The following RXFP1 variants were observed in gnomAD, a reference collection of about 807,000 sequenced individuals.
RXFP1 encodes relaxin family peptide receptor 1, also known as relaxin receptor 1.
In RXFP1, 73 loss-of-function variants were observed where a neutral mutation model predicts 89.8. That is an observed-to-expected ratio of 0.81 (90% CI 0.67 to 0.99). The LOEUF is 0.99. Among genes scored for constraint, RXFP1 ranks in the 50% least tolerant of loss-of-function variants. The pLI is 0.00. For synonymous variants in RXFP1, 277 were observed against 305.5 expected, an observed-to-expected ratio of 0.91 and a Z score of 0.97; for missense variants, 793 against 895.5, an observed-to-expected ratio of 0.89 and a Z score of 1.46.
intron 12 of RXFP1, among the ~76,000 whole-genome samples, chr4:158,637,515 G>T (rs1309924144): frequency 6.6e-6 from 1 of 152,054 alleles, no homozygotes; most frequent in Non-Finnish European, 1.5e-5. Flanking sequence ...TCATATACCT[G>T]TTAGTCATTT....
chr4:158,527,563 A>AG, intron 1 of RXFP1, among the ~76,000 whole-genome samples: 1 of 102,614 alleles, frequency 9.7e-6, no homozygotes, highest in African/African-American at 3.4e-5. Flanking sequence ...AAAAAAAAAA[A>AG]AATATATATA....
chr4:158,561,495 T>C (rs1752416347), intron 1 of RXFP1, among the ~76,000 whole-genome samples: 1 of 152,326 alleles, frequency 6.6e-6, no homozygotes, highest in South Asian at 2.1e-4. Context: ...TAGATTTGGA[T>C]TTCATTTTCC....
intron 3 of RXFP1, chr4:158,599,122 T>C (rs1761191517): frequency 4.5e-6 from 3 of 664,118 alleles, no homozygotes; most frequent in South Asian, 2.5e-5. Flanking sequence ...TTTCCAAATG[T>C]TGATGCTCTA....
At chr4:158,585,573 T>C (rs895165178) in intron 2 of RXFP1, among the ~76,000 whole-genome samples, 31 of 152,168 alleles carry the variant, frequency 2.0e-4, no homozygotes, top group African/African-American at 7.0e-4. Context: ...AATGAAATAA[T>C]GTTCATGCAT....
At position 158,579,507 on chromosome 4, in the gene RXFP1, G is replaced by A. The variant is rs377080675; in HGVS notation, c.187+6672G>A. ...TCTCGATCTCTTGACCTCGTGATCC[G>A]CCCACCTCGGCCTCCCAAAGTGCTG... On this transcript the variant is annotated intron_variant, in intron 2 of 17. Transcript: ENST00000307765. Among the ~76,000 whole-genome samples the A allele has an allele frequency of 9.9e-3, 1,509 of 152,218 alleles. 27 individuals carry two copies. The highest frequency in any genetic ancestry group is 0.035 in the African/African-American group (1,437 of 41,526).
Position 158,618,873 on chromosome 4 carries a change from G to C in RXFP1, c.755+1668G>C, listed in dbSNP as rs550120840. ...AAAATTCAAAAAAAAAGAAATATAA[G>C]TAATAAGCAAGCATAAGGACAGATA... On this transcript the variant is annotated intron_variant, in intron 9 of 17. Transcript: ENST00000307765. 2.0e-5 allele frequency among the ~76,000 whole-genome samples: 3 copies of C among 152,092 alleles called. No homozygotes were observed. The East Asian group carries it at 5.8e-4, about 29-fold the overall frequency.
chr4:158,596,004 T>G lies in RXFP1; in HGVS notation c.286+2505T>G, dbSNP rs376743933. Among the ~76,000 whole-genome samples the G allele has an allele frequency of 2.0e-5, 3 of 148,354 alleles. No homozygotes were observed. The East Asian group carries it at 5.8e-4, about 29-fold the overall frequency. On this transcript the variant is annotated intron_variant, in intron 3 of 17. Transcript: ENST00000307765. ...ATCTCTCCAAAAAAAAAAAAAAAAT[T>G]AAAACTTAGCTGTGCTACTCAGGAG...
intron 1 of RXFP1, among the ~76,000 whole-genome samples, chr4:158,524,464 G>A (rs545857175): frequency 9.8e-5 from 15 of 152,288 alleles, no homozygotes; most frequent in Admixed American, 8.5e-4. Flanking sequence ...AAGACGGCAC[G>A]TTGATCTAGA....
chr4:158,549,090 A>G (rs1032468003), intron 1 of RXFP1, among the ~76,000 whole-genome samples: 9 of 151,710 alleles, frequency 5.9e-5, no homozygotes, highest in Admixed American at 2.6e-4. Flanking sequence ...AGGTACACCA[A>G]TCAGACGTAG....
intron 1 of RXFP1, among the ~76,000 whole-genome samples, chr4:158,560,100 A>G (rs1047112370): frequency 2.0e-5 from 3 of 152,262 alleles, no homozygotes; most frequent in Admixed American, 6.5e-5. Flanking sequence ...AGGTAGCTGC[A>G]GGTAATGAAG....
rs77255221 is a variant in RXFP1 at position 158,554,619 on chromosome 4, C to G, written c.50-18079C>G. 9.9e-3 allele frequency among the ~76,000 whole-genome samples: 1,507 copies of G among 151,786 alleles called. 24 individuals are homozygous for G. Among genetic ancestry groups the G allele is most frequent in the African/African-American group, 0.034 (1,394 of 41,402 alleles). On this transcript the variant is annotated intron_variant, in intron 1 of 17. Transcript: ENST00000307765. The stretch of plus-strand genomic sequence containing the variant: ...TTCAAATTGTGTTTGTGTGTGGTTT[C>G]CTTTTTTGTTTTCTTTTGTGTTTTG...
intron 2 of RXFP1, among the ~76,000 whole-genome samples, chr4:158,584,125 C>T (rs565404656): frequency 6.6e-6 from 1 of 152,190 alleles, no homozygotes; most frequent in African/African-American, 2.4e-5. Context: ...TGACTAAATA[C>T]GTGAGAATCA....
At chr4:158,605,671 T>C (rs1762433677) in intron 5 of RXFP1, among the ~76,000 whole-genome samples, 2 of 152,192 alleles carry the variant, frequency 1.3e-5, no homozygotes, top group South Asian at 4.1e-4. Flanking sequence ...TTGAGTAGTA[T>C]CTGACATGCT....
chr4:158,619,934 G>A (rs1040556598), intron 9 of RXFP1, among the ~76,000 whole-genome samples: 2 of 152,128 alleles, frequency 1.3e-5, no homozygotes, highest in African/African-American at 2.4e-5. Context: ...CTGGAGAAGG[G>A]GGAACAGCAA....
chr4:158,533,656 G>C (rs1014841573), intron 1 of RXFP1, among the ~76,000 whole-genome samples: 4 of 152,072 alleles, frequency 2.6e-5, no homozygotes, highest in African/African-American at 9.7e-5. Flanking sequence ...TATTTTTTAA[G>C]TCACACACAA....
chr4:158,652,630 G>A lies in RXFP1; in HGVS notation c.*575G>A, dbSNP rs1419483725. The A allele has an allele frequency of 6.6e-6, 1 of 152,144 alleles. No homozygotes were observed. The highest frequency in any genetic ancestry group is 6.5e-5 in the Admixed American group (1 of 15,278). The allele number at this position is 152,144 out of a possible 1,614,324, so 9.4% of individuals were successfully genotyped here. On this transcript the variant is annotated 3_prime_UTR_variant, in exon 18 of 18. Coordinates refer to ENST00000307765, the MANE Select transcript of RXFP1 (RefSeq NM_021634.4). Reference sequence around the variant, plus strand: ...TCTCTTTAAGTTTCCATACACTTGAGAGCCAACACAACATATTTATTACTA... The same window carrying A: ...TCTCTTTAAGTTTCCATACACTTGAAAGCCAACACAACATATTTATTACTA...
At chr4:158,571,621 C>T (rs1034568895) in intron 1 of RXFP1, among the ~76,000 whole-genome samples, 2 of 151,760 alleles carry the variant, frequency 1.3e-5, no homozygotes, top group East Asian at 1.9e-4. Flanking sequence ...AAGATTGTGC[C>T]GTGGCACTCC....
At position 158,638,092 on chromosome 4, in the gene RXFP1, A is replaced by T. The variant is rs1297921713; in HGVS notation, c.1043+13A>T. The T allele has an allele frequency of 6.8e-7, 1 of 1,472,684 alleles. No individual in the cohort carries two copies. The highest frequency in any genetic ancestry group is 2.3e-5 in the East Asian group (1 of 43,730). 91.2% of individuals were successfully genotyped at this position (1,472,684 alleles called of 1,614,324 possible). A position where few individuals can be genotyped will look rare whatever the true frequency, so the allele number is the denominator to read the frequency against. On this transcript the variant is annotated intron_variant, in intron 13 of 17. Transcript: ENST00000307765. ...AACTCAAGTCTCTGTAAGTATTCAC[A>T]TATGGGGATAGTTTTATGATAAAAT...
chr4:158,631,358 AT>A (rs1294405277), intron 11 of RXFP1, among the ~76,000 whole-genome samples: 1 of 152,250 alleles, frequency 6.6e-6, no homozygotes, highest in African/African-American at 2.4e-5. Flanking sequence ...GACTCAGTGT[AT>A]TCATAGTCTT....
Sources: allele counts gnomAD v4.1 joint callset (sites outside exome capture counted in the v4.1 genomes callset), GRCh38; gene constraint gnomAD v4.1.1; transcripts MANE v1.5; gene names NCBI Gene and HGNC (gene_info 2026-07-23, HGNC 2026-07-21).